The following FGF14 variants were observed in gnomAD, a reference collection of about 807,000 sequenced individuals.
The protein encoded by FGF14 is fibroblast growth factor 14, also known as fibroblast growth factor homologous factor 4.
Under a neutral mutation model 25.5 loss-of-function variants are expected in FGF14, and 5 were observed. The ratio of observed to expected loss-of-function variants is 0.20; its 90% CI spans 0.10 to 0.41. The LOEUF (loss-of-function observed/expected upper bound fraction) is 0.41. Among genes scored for constraint, FGF14 ranks in the 10% least tolerant of loss-of-function variants. The pLI, the probability that FGF14 is intolerant of heterozygous loss-of-function variation, is 1.00. For synonymous variants in FGF14, 138 were observed against 118.3 expected, an observed-to-expected ratio of 1.17 and a Z score of -1.08; for missense variants, 222 against 320.1, an observed-to-expected ratio of 0.69 and a Z score of 2.34.
chr13:102,152,315 G>GT (rs1229762395), intron 1 of FGF14, among the ~76,000 whole-genome samples: 1 of 152,168 alleles, frequency 6.6e-6, no homozygotes, highest in African/African-American at 2.4e-5. Context: ...CACAGATTGG[G>GT]TTGCTTAAAG....
At chr13:101,850,673 T>G (rs372518884) in intron 3 of FGF14, among the ~76,000 whole-genome samples, 1 of 142,116 alleles carries the variant, frequency 7.0e-6, no homozygotes, top group East Asian at 2.0e-4. Context: ...ATATAGAGAA[T>G]AGAATATATA....
intron 3 of FGF14, among the ~76,000 whole-genome samples, chr13:101,831,940 G>T (rs2042690153): frequency 6.6e-6 from 1 of 152,050 alleles, no homozygotes; most frequent in Non-Finnish European, 1.5e-5. Flanking sequence ...ATTTAAAGTA[G>T]AATGAATAAT....
At chr13:102,176,255 A>G (rs1302490907) in intron 1 of FGF14, among the ~76,000 whole-genome samples, 3 of 152,166 alleles carry the variant, frequency 2.0e-5, no homozygotes, top group African/African-American at 4.8e-5. Context: ...GAATGAAATC[A>G]TGTCTTTTGT....
intron 1 of FGF14, among the ~76,000 whole-genome samples, chr13:102,243,234 C>A (rs577716985): frequency 6.6e-6 from 1 of 152,210 alleles, no homozygotes; most frequent in South Asian, 2.1e-4. Context: ...AAATAACTTT[C>A]TATCTTCTTT....
In FGF14 at chr13:102,227,155, T is replaced by C. The variant is rs564525615; in HGVS notation, c.208+174316A>G. Among the ~76,000 whole-genome samples the C allele has an allele frequency of 3.3e-5, 5 of 152,268 alleles. No individual in the cohort carries two copies. The South Asian group carries it at 1.0e-3, about 32-fold the overall frequency. On this transcript the variant is annotated intron_variant, in intron 1 of 4. Coordinates refer to the FGF14 transcript ENST00000376131. ...AAAGCCTATATTATTATTATAACAC[T>C]CAAGCCCTATCTCTTTCTGCCTCCC...
At chr13:102,157,572 C>T (rs1461712574) in intron 1 of FGF14, among the ~76,000 whole-genome samples, 5 of 152,162 alleles carry the variant, frequency 3.3e-5, no homozygotes, top group African/African-American at 1.2e-4. Context: ...AAAACCTAGG[C>T]AATACCATTC....
chr13:101,822,138 C>A (rs1400618958), intron 3 of FGF14, among the ~76,000 whole-genome samples: 1 of 152,066 alleles, frequency 6.6e-6, no homozygotes, highest in Non-Finnish European at 1.5e-5. Flanking sequence ...CTTTGCCTTA[C>A]TTTTTGCATT....
At chr13:101,883,541 T>G (rs751428874) in intron 1 of FGF14, among the ~76,000 whole-genome samples, 16 of 152,164 alleles carry the variant, frequency 1.1e-4, no homozygotes, top group Non-Finnish European at 2.2e-4. Flanking sequence ...ATTGTCCACA[T>G]CATCATTAAA....
intron 1 of FGF14, among the ~76,000 whole-genome samples, chr13:101,945,651 C>G (rs922062849): frequency 1.3e-5 from 2 of 152,178 alleles, no homozygotes; most frequent in Non-Finnish European, 2.9e-5. Context: ...AGCCTGTTTC[C>G]CTTCTGCCTT....
intron 1 of FGF14, among the ~76,000 whole-genome samples, chr13:102,375,820 C>T (rs1264937533): frequency 6.6e-6 from 1 of 152,058 alleles, no homozygotes; most frequent in African/African-American, 2.4e-5. Flanking sequence ...AGATCAACAA[C>T]AAATTTAAAA....
chr13:101,766,715 C>A (rs182497362), intron 3 of FGF14, among the ~76,000 whole-genome samples: 1 of 152,188 alleles, frequency 6.6e-6, no homozygotes, highest in Non-Finnish European at 1.5e-5. Flanking sequence ...TAAATAAGGT[C>A]ATAGTAGTTT....
chr13:102,033,526 C>T (rs377268592), intron 1 of FGF14, among the ~76,000 whole-genome samples: 166 of 152,202 alleles, frequency 1.1e-3, no homozygotes, highest in African/African-American at 3.8e-3. Context: ...CTCATGCACG[C>T]ATACTCAATG....
At chr13:102,315,643 A>G (rs1292859228) in intron 1 of FGF14, among the ~76,000 whole-genome samples, 1 of 152,194 alleles carries the variant, frequency 6.6e-6, no homozygotes, top group Non-Finnish European at 1.5e-5. Flanking sequence ...CCTTCTTGAA[A>G]TAGTTGAGGA....
chr13:102,187,186 G>A (rs2048911838), intron 1 of FGF14, among the ~76,000 whole-genome samples: 1 of 152,144 alleles, frequency 6.6e-6, no homozygotes, highest in Non-Finnish European at 1.5e-5. Flanking sequence ...TTCATCAAAA[G>A]TGTGCTACAA....
intron 1 of FGF14, among the ~76,000 whole-genome samples, chr13:102,355,424 A>C (rs1226721674): frequency 6.6e-6 from 1 of 151,958 alleles, no homozygotes; most frequent in Non-Finnish European, 1.5e-5. Flanking sequence ...TGTCCAGACT[A>C]ACAAGGTGTT....
At chr13:102,232,246 T>C (rs1461908858) in intron 1 of FGF14, among the ~76,000 whole-genome samples, 1 of 151,990 alleles carries the variant, frequency 6.6e-6, no homozygotes, top group African/African-American at 2.4e-5. Flanking sequence ...TGATTAAAAG[T>C]AGAAAAAAAA....
chr13:102,068,511 C>T (rs1340880876), intron 1 of FGF14, among the ~76,000 whole-genome samples: 1 of 152,194 alleles, frequency 6.6e-6, no homozygotes, highest in Non-Finnish European at 1.5e-5. Flanking sequence ...GCGTACAGTG[C>T]TTGCGGGCCA....
At chr13:102,239,619 A>G (rs971464056) in intron 1 of FGF14, among the ~76,000 whole-genome samples, 1 of 152,204 alleles carries the variant, frequency 6.6e-6, no homozygotes, top group Admixed American at 6.5e-5. Flanking sequence ...TAAAAAATAA[A>G]GATTATGAAA....
chr13:101,946,347 G>A (rs1244266676), intron 1 of FGF14, among the ~76,000 whole-genome samples: 2 of 128,228 alleles, frequency 1.6e-5, no homozygotes, highest in Non-Finnish European at 3.1e-5. Context: ...TTTAATAAAA[G>A]CAGCTGCTTC....
Sources: gnomAD v4.1 joint callset for allele counts (sites outside exome capture counted in the v4.1 genomes callset) on GRCh38, gnomAD v4.1.1 for gene constraint, MANE v1.5 for transcripts, NCBI Gene and HGNC (gene_info 2026-07-23, HGNC 2026-07-21) for gene names.